The following RIMS2 variants were observed in gnomAD, a reference collection of about 807,000 sequenced individuals.
RIMS2 encodes regulating synaptic membrane exocytosis protein 2.
Under a neutral mutation model 174.4 loss-of-function variants are expected in RIMS2, and 59 were observed. The ratio of observed to expected loss-of-function variants is 0.34; its 90% CI spans 0.27 to 0.42. The LOEUF is 0.42. RIMS2 is among the 10% of genes least tolerant of loss of function. RIMS2 has a pLI of 1.00. For synonymous variants in RIMS2, 606 were observed against 572.5 expected, an observed-to-expected ratio of 1.06 and a Z score of -0.84; for missense variants, 1,620 against 1,666.3, an observed-to-expected ratio of 0.97 and a Z score of 0.48.
chr8:104,001,990 A>G (rs1001386317), intron 17 of RIMS2, among the ~76,000 whole-genome samples: 2 of 152,018 alleles, frequency 1.3e-5, no homozygotes, highest in Admixed American at 1.3e-4. Context: ...GAGTAATGTC[A>G]GCATTTACCT....
chr8:104,055,137 A>T (rs1597856310), intron 19 of RIMS2, among the ~76,000 whole-genome samples: 1 of 151,996 alleles, frequency 6.6e-6, no homozygotes, highest in South Asian at 2.1e-4. Flanking sequence ...ATTTTTTCTC[A>T]TTTTTTGTGT....
intron 19 of RIMS2, among the ~76,000 whole-genome samples, chr8:104,144,047 A>G (rs1315293955): frequency 1.3e-5 from 2 of 152,130 alleles, no homozygotes; most frequent in African/African-American, 4.8e-5. Context: ...ACATCTTCCA[A>G]TAATCCCTAT....
chr8:104,017,903 C>T (rs542318422), intron 19 of RIMS2, among the ~76,000 whole-genome samples: 2 of 151,972 alleles, frequency 1.3e-5, no homozygotes, highest in South Asian at 2.1e-4. Context: ...TGGTGAAACC[C>T]CATCGCTATA....
rs71576001 is a variant in RIMS2, at chr8:104,188,220, C to CAGATAGAT, written c.3335-56651_3335-56644dup. Among the ~76,000 whole-genome samples, 867 of 87,106 alleles carry CAGATAGAT rather than the reference C, an allele frequency of 1.0e-2. 4 individuals carry two copies. Among genetic ancestry groups the CAGATAGAT allele is most frequent in the Middle Eastern group, 0.017 (3 of 178 alleles). The allele number at this position is 87,106 out of a possible 152,430, so 57.1% of individuals were successfully genotyped here. ...GAAGTGGGACTTTTAATGGTTTGTT[C>CAGATAGAT]AGATAGATAGATAGATAGATAGATA... On this transcript the variant is annotated intron_variant, in intron 19 of 23. Coordinates refer to ENST00000504942, the Ensembl canonical transcript of RIMS2.
intron 3 of RIMS2, among the ~76,000 whole-genome samples, chr8:103,858,703 A>G (rs1003449060): frequency 6.7e-5 from 10 of 148,194 alleles, no homozygotes; most frequent in Non-Finnish European, 1.5e-4. Context: ...ATACGTGTAT[A>G]TATATATACA....
At chr8:103,526,263 A>G (rs560719330) in intron 1 of RIMS2, among the ~76,000 whole-genome samples, 2 of 152,218 alleles carry the variant, frequency 1.3e-5, no homozygotes, top group Non-Finnish European at 2.9e-5. Context: ...GTTTAGAATC[A>G]TCGTAGTCTT....
chr8:104,241,773 T>A (rs1376365793), intron 19 of RIMS2, among the ~76,000 whole-genome samples: 3 of 151,560 alleles, frequency 2.0e-5, no homozygotes, highest in Non-Finnish European at 4.4e-5. Flanking sequence ...TGTTTGTTTG[T>A]TTTTGAGACA....
chr8:103,611,661 A>G (rs1163310894), intron 1 of RIMS2, among the ~76,000 whole-genome samples: 1 of 150,520 alleles, frequency 6.6e-6, no homozygotes, highest in East Asian at 1.9e-4. Context: ...GCTACATTGT[A>G]TGTTATTTGT....
chr8:104,061,663 G>A (rs1018639854), intron 19 of RIMS2, among the ~76,000 whole-genome samples: 4 of 149,316 alleles, frequency 2.7e-5, no homozygotes, highest in African/African-American at 9.8e-5. Flanking sequence ...ATTGTTCTAA[G>A]CTATGCTACT....
chr8:104,205,675 GTCAA>G (rs2099076539), intron 19 of RIMS2, among the ~76,000 whole-genome samples: 1 of 151,978 alleles, frequency 6.6e-6, no homozygotes. Flanking sequence ...TTCCTGATAG[GTCAA>G]TCAAAGTCTC....
intron 1 of RIMS2, among the ~76,000 whole-genome samples, chr8:103,562,966 A>G (rs1370995301): frequency 6.6e-6 from 1 of 152,138 alleles, no homozygotes; most frequent in Non-Finnish European, 1.5e-5. Context: ...CTTTTAGTCA[A>G]GGCTGGAGCA....
intron 16 of RIMS2, among the ~76,000 whole-genome samples, chr8:103,983,634 G>GTA (rs2094107175): frequency 6.6e-6 from 1 of 152,118 alleles, no homozygotes; most frequent in African/African-American, 2.4e-5. Context: ...GGTGCCAAGA[G>GTA]TATACATTGG....
chr8:104,072,930 T>C (rs1725995650), intron 19 of RIMS2, among the ~76,000 whole-genome samples: 1 of 152,184 alleles, frequency 6.6e-6, no homozygotes, highest in South Asian at 2.1e-4. Flanking sequence ...CAGTGGATGA[T>C]TTCTCAGGGA....
chr8:103,807,936 A>G (rs996316636), intron 3 of RIMS2, among the ~76,000 whole-genome samples: 2 of 152,134 alleles, frequency 1.3e-5, no homozygotes, highest in Admixed American at 6.6e-5. Context: ...TTAGATTTGC[A>G]TGAGTTTATT....
intron 19 of RIMS2, among the ~76,000 whole-genome samples, chr8:104,112,711 T>C (rs2098210744): frequency 6.6e-6 from 1 of 152,202 alleles, no homozygotes; most frequent in Non-Finnish European, 1.5e-5. Context: ...TAGGGCATAC[T>C]GAAATTTTAG....
chr8:103,573,600 T>C (rs1431840403), intron 1 of RIMS2, among the ~76,000 whole-genome samples: 2 of 152,028 alleles, frequency 1.3e-5, no homozygotes, highest in Non-Finnish European at 2.9e-5. Flanking sequence ...TACCATATCG[T>C]TTTGGTTATT....
intron 19 of RIMS2, among the ~76,000 whole-genome samples, chr8:104,177,617 A>G (rs550949010): frequency 2.8e-4 from 43 of 152,314 alleles, no homozygotes; most frequent in African/African-American, 9.4e-4. Flanking sequence ...GAATAATCAC[A>G]TATTGGATTC....
At chr8:104,150,589 T>C (rs183047163) in intron 19 of RIMS2, among the ~76,000 whole-genome samples, 317 of 152,176 alleles carry the variant, frequency 2.1e-3, no homozygotes, top group African/African-American at 7.3e-3. Context: ...GCTAACTAGG[T>C]AAAAGACGAT....
At chr8:103,753,418 C>A (rs929074316) in intron 2 of RIMS2, among the ~76,000 whole-genome samples, 1 of 152,002 alleles carries the variant, frequency 6.6e-6, no homozygotes, top group Non-Finnish European at 1.5e-5. Context: ...TGTCTCTGCC[C>A]GGCTTTGGTA....
Sources: gnomAD v4.1 joint callset for allele counts (sites outside exome capture counted in the v4.1 genomes callset) on GRCh38, gnomAD v4.1.1 for gene constraint, MANE v1.5 for transcripts, NCBI Gene and HGNC (gene_info 2026-07-23, HGNC 2026-07-21) for gene names.